PLEKHH2: variants seen among roughly 807,000 people sequenced by gnomAD.
The protein encoded by PLEKHH2 is pleckstrin homology, MyTH4 and FERM domain containing H2.
A neutral mutation model predicts 187.9 loss-of-function variants in PLEKHH2; 129 were observed. The ratio of observed to expected loss-of-function variants is 0.69; its 90% CI spans 0.59 to 0.79. The LOEUF is 0.79. PLEKHH2 is among the 30% of genes least tolerant of loss of function. The pLI is 0.00. For missense variants in PLEKHH2, 2,076 were observed against 1,751.2 expected (o/e 1.19, Z -3.31); for synonymous variants, 686 against 605.6 (o/e 1.13, Z -1.95).
At chr2:43,701,767 ATT>A (rs34664734) in intron 8 of PLEKHH2, among the ~76,000 whole-genome samples, 4 of 130,932 alleles carry the variant, frequency 3.1e-5, no homozygotes, top group Non-Finnish European at 3.1e-5. Flanking sequence ...TTTAATTTTA[ATT>A]TTTTTTTTTT....
Position 43,743,888 on chromosome 2 carries a change from C to A in PLEKHH2, c.3454C>A (p.Gln1152Lys). ...TVEEFLNTLN[Q>K]DTGMRKPAQS... is the part of the protein sequence containing the mutation. ...GGAAGAATTTTTGAATACTTTGAAC[C>A]AGGACACAGGAATGAGGAAACCAGC... The change falls in exon 23 of 30, where the codon CAG becomes AAG. Residue 1152 changes from glutamine (Q) to lysine (K), a missense_variant. Gln to Lys is a moderately conservative substitution (Grantham distance 53). Transcript: ENST00000282406. 2 of 1,613,988 alleles carry A rather than the reference C, an allele frequency of 1.2e-6. No individual in the cohort carries two copies. The highest frequency in any genetic ancestry group is 1.1e-5 in the South Asian group (1 of 91,066).
At chr2:43,756,300 T>C (rs1672209105) in intron 25 of PLEKHH2, among the ~76,000 whole-genome samples, 1 of 152,088 alleles carries the variant, frequency 6.6e-6, no homozygotes, top group Admixed American at 6.5e-5. Context: ...AAATTTCTTA[T>C]AACTTTTTTT....
chr2:43,703,787 A>G (rs1669506949), intron 8 of PLEKHH2, among the ~76,000 whole-genome samples, 194 bp from the exon 9 acceptor site: 1 of 152,214 alleles, frequency 6.6e-6, no homozygotes, highest in Non-Finnish European at 1.5e-5. Context: ...TAACAGATGG[A>G]GAAAAATCTC....
intron 15 of PLEKHH2, among the ~76,000 whole-genome samples, chr2:43,717,563 G>A (rs893957571): frequency 6.6e-6 from 1 of 152,176 alleles, no homozygotes; most frequent in African/African-American, 2.4e-5. Flanking sequence ...CCCAGTGAAG[G>A]AAAAAGGATT....
rs771034043 is a variant in PLEKHH2, at chr2:43,729,623, GT to G, written c.2722-12del. The G allele has an allele frequency of 7.8e-5, 118 of 1,515,400 alleles. No individual in the cohort carries two copies. The highest frequency in any genetic ancestry group is 1.2e-5 in the Non-Finnish European group (13 of 1,119,152). The allele number at this position is 1,515,400 out of a possible 1,614,324, so 93.9% of individuals were successfully genotyped here. A position where few individuals can be genotyped will look rare whatever the true frequency, so the allele number is the denominator to read the frequency against. ...CTGTGTCTTAACATTTAATTAATATGTTCTGGTTTTAAGGACACTTGGCTTT... is the reference window on the plus strand; with the variant it reads ...CTGTGTCTTAACATTTAATTAATATGTCTGGTTTTAAGGACACTTGGCTTT... On this transcript the variant is annotated splice_polypyrimidine_tract_variant and intron_variant, in intron 17 of 29. Transcript: ENST00000282406.
In PLEKHH2 at chr2:43,712,327, A is replaced by G. The variant is rs1348518068; in HGVS notation, c.2404A>G (p.Asn802Asp). 6.2e-7 allele frequency: 1 copy of G among 1,614,190 alleles called. No individual in the cohort carries two copies. ...LQNVLRVQAA[N>D]PLSLQPEGKP... The stretch of plus-strand genomic sequence containing the variant: ...GAATGTTCTTCGAGTACAAGCTGCC[A>G]ACCCACTTTCCCTGCAGCCTGAGGG... The change falls in exon 15 of 30, where the codon AAC becomes GAC. Residue 802 changes from asparagine (N) to aspartate (D), a missense_variant. Physicochemically the swap from Asn to Asp is conservative, Grantham distance 23 (BLOSUM62 1). Coordinates refer to ENST00000282406, the MANE Select transcript of PLEKHH2 (RefSeq NM_172069.4).
At chr2:43,676,016 T>G in intron 2 of PLEKHH2, 1 of 1,614,048 alleles carries the variant, frequency 6.2e-7, no homozygotes, top group Non-Finnish European at 8.5e-7. Context: ...TCATTTTTAG[T>G]ATCGTAGAGC....
chr2:43,703,112 G>A (rs1329703567), intron 8 of PLEKHH2, among the ~76,000 whole-genome samples: 1 of 152,194 alleles, frequency 6.6e-6, no homozygotes, highest in Non-Finnish European at 1.5e-5. Flanking sequence ...GATAGTCGGA[G>A]AACTCATGCC....
chr2:43,644,999 T>A (rs1221637867), intron 2 of PLEKHH2, among the ~76,000 whole-genome samples: 2 of 152,150 alleles, frequency 1.3e-5, no homozygotes, highest in Non-Finnish European at 2.9e-5. Flanking sequence ...TAGTGGCATA[T>A]GTGAGAACCG....
intron 18 of PLEKHH2, among the ~76,000 whole-genome samples, chr2:43,731,277 TA>T (rs985446655): frequency 6.6e-6 from 1 of 151,648 alleles, no homozygotes; most frequent in African/African-American, 2.4e-5. Context: ...TTTTTAAAAT[TA>T]AAAAAAACAA....
intron 2 of PLEKHH2, among the ~76,000 whole-genome samples, chr2:43,660,471 A>ATT (rs546980439): frequency 2.4e-5 from 2 of 82,586 alleles, no homozygotes; most frequent in African/African-American, 4.4e-5. Context: ...TAAGGAATTT[A>ATT]TTTTTTTTTT....
chr2:43,678,216 A>G (rs1667961198), intron 2 of PLEKHH2, among the ~76,000 whole-genome samples: 1 of 146,798 alleles, frequency 6.8e-6, no homozygotes, highest in Non-Finnish European at 1.5e-5. Context: ...GATGCTCCTC[A>G]CTTTCCAGAC....
At chr2:43,713,660 G>GT (rs71410202) in intron 15 of PLEKHH2, among the ~76,000 whole-genome samples, 5,037 of 133,882 alleles carry the variant, frequency 0.038, 211 homozygotes, top group African/African-American at 0.11. Flanking sequence ...GCTTAATTCT[G>GT]TTTTTTTTTT....
In PLEKHH2 at chr2:43,693,723, CA is replaced by C. The variant is rs70965316; in HGVS notation, c.337-691del. ...TGGGCGACTGAGCGAGACTCCATCT[CA>C]AAAAAAAAAAAAAAAAGGAAAAAAT... On this transcript the variant is annotated intron_variant, in intron 4 of 29. Transcript: ENST00000282406. Among the ~76,000 whole-genome samples, 220 of 69,662 alleles carry C rather than the reference CA, an allele frequency of 3.2e-3. 1 individual carries two copies. Among genetic ancestry groups the C allele is most frequent in the African/African-American group, 9.1e-3 (137 of 15,090 alleles). 45.7% of individuals were successfully genotyped at this position (69,662 alleles called of 152,430 possible).
intron 15 of PLEKHH2, among the ~76,000 whole-genome samples, chr2:43,717,028 C>A (rs1670243825): frequency 6.6e-6 from 1 of 152,068 alleles, no homozygotes; most frequent in South Asian, 2.1e-4. Flanking sequence ...ACATGGAAAC[C>A]CAAGTTGGCA....
chr2:43,700,999 G>C (rs1345732878), intron 8 of PLEKHH2, among the ~76,000 whole-genome samples: 1 of 152,028 alleles, frequency 6.6e-6, no homozygotes, highest in Non-Finnish European at 1.5e-5. Context: ...CAGTTTTTAG[G>C]ATAAAATTTC....
At chr2:43,689,092 G>T (rs1184047183) in intron 3 of PLEKHH2, among the ~76,000 whole-genome samples, 1 of 152,154 alleles carries the variant, frequency 6.6e-6, no homozygotes, top group African/African-American at 2.4e-5. Flanking sequence ...TAATACAAAG[G>T]CAGCCTTAAC....
intron 2 of PLEKHH2, among the ~76,000 whole-genome samples, chr2:43,678,554 A>G (rs1316411588): frequency 6.6e-6 from 1 of 152,194 alleles, no homozygotes; most frequent in Non-Finnish European, 1.5e-5. Context: ...CCAAAAAAAT[A>G]CGAAAACCAG....
At chr2:43,653,620 C>A (rs1397965891) in intron 2 of PLEKHH2, among the ~76,000 whole-genome samples, 3 of 152,162 alleles carry the variant, frequency 2.0e-5, no homozygotes, top group Non-Finnish European at 4.4e-5. Flanking sequence ...GTTGAGGGGT[C>A]TCCCCAAGAA....
Sources: gnomAD v4.1 joint callset for allele counts (sites outside exome capture counted in the v4.1 genomes callset) on GRCh38, gnomAD v4.1.1 for gene constraint, MANE v1.5 for transcripts, NCBI Gene and HGNC (gene_info 2026-07-23, HGNC 2026-07-21) for gene names.